Variants in TRHDE observed in about 807,000 individuals in gnomAD.
TRHDE encodes thyrotropin releasing hormone degrading enzyme.
TRHDE carries 72 observed loss-of-function variants against 125.7 expected under a neutral mutation model. That is an observed-to-expected ratio of 0.57 (90% CI 0.47 to 0.70). The LOEUF (loss-of-function observed/expected upper bound fraction) is 0.70. Among genes scored for constraint, TRHDE ranks in the 30% least tolerant of loss-of-function variants. The pLI is 0.00. For missense variants in TRHDE, 1,110 were observed against 1,327.1 expected (o/e 0.84, Z 2.54); for synonymous variants, 509 against 509.1 (o/e 1.00, Z 0.00).
intron 6 of TRHDE, among the ~76,000 whole-genome samples, chr12:72,500,649 C>T (rs1401521254): frequency 6.6e-6 from 1 of 152,060 alleles, no homozygotes; most frequent in African/African-American, 2.4e-5. Flanking sequence ...GCCTCTGCCT[C>T]CCAAAGTGCT....
chr12:72,523,189 C>CT (rs1197228322), intron 6 of TRHDE, among the ~76,000 whole-genome samples: 9 of 150,874 alleles, frequency 6.0e-5, no homozygotes, highest in Admixed American at 2.0e-4. Context: ...GAGTAACTTG[C>CT]TTTTTTTTTC....
At position 72,341,797 on chromosome 12, in the gene TRHDE, G is replaced by A. The variant is rs190372868; in HGVS notation, c.1189-36198G>A. The stretch of plus-strand genomic sequence containing the variant: ...AACAGAAATTAAAACATGTATCTGC[G>A]GACAAATGTATTTGTCGAAGATGAA... On this transcript the variant is annotated intron_variant, in intron 2 of 18. Coordinates refer to ENST00000261180, the MANE Select transcript of TRHDE (RefSeq NM_013381.3). 4.9e-3 allele frequency among the ~76,000 whole-genome samples: 741 copies of A among 152,106 alleles called. 1 individual carries two copies. The highest frequency in any genetic ancestry group is 8.7e-3 in the African/African-American group (363 of 41,508).
At chr12:72,543,075 G>A (rs988924248) in intron 7 of TRHDE, among the ~76,000 whole-genome samples, 4 of 151,284 alleles carry the variant, frequency 2.6e-5, no homozygotes, top group Non-Finnish European at 5.9e-5. Context: ...ACTTAGAAGT[G>A]TCCTTTAAAG....
At chr12:72,145,690 C>T (rs1876210636) in intron 2 of TRHDE, among the ~76,000 whole-genome samples, 2 of 152,182 alleles carry the variant, frequency 1.3e-5, no homozygotes, top group African/African-American at 4.8e-5. Context: ...CGAATCCTTT[C>T]TGTATGACCC....
chr12:72,438,279 T>C (rs192628692), intron 3 of TRHDE, among the ~76,000 whole-genome samples: 2 of 151,952 alleles, frequency 1.3e-5, no homozygotes, highest in East Asian at 3.9e-4. Flanking sequence ...GTCATTTTCT[T>C]TGTATATTTA....
At chr12:72,445,077 T>A (rs1465606948) in intron 3 of TRHDE, among the ~76,000 whole-genome samples, 1 of 151,788 alleles carries the variant, frequency 6.6e-6, no homozygotes, top group Non-Finnish European at 1.5e-5. Flanking sequence ...TCTTAACAAG[T>A]GATTATTTGA....
At chr12:72,314,724 C>G (rs2135703433) in intron 2 of TRHDE, among the ~76,000 whole-genome samples, 1 of 152,050 alleles carries the variant, frequency 6.6e-6, no homozygotes, top group East Asian at 1.9e-4. Context: ...AAAAAAAAAT[C>G]AGAGTTTTAA....
At chr12:72,137,519 A>G (rs958245347) in intron 2 of TRHDE, 4 of 152,226 alleles carry the variant, frequency 2.6e-5, no homozygotes, top group African/African-American at 9.6e-5. Context: ...TTCCAACCTC[A>G]TAATGATTGC....
At chr12:72,108,402 G>C (rs531090663) in intron 2 of TRHDE, among the ~76,000 whole-genome samples, 2 of 152,168 alleles carry the variant, frequency 1.3e-5, no homozygotes, top group East Asian at 3.9e-4. Flanking sequence ...TGACAGAATA[G>C]TTATAATATA....
rs3081972 is a variant in TRHDE, at chr12:72,525,601, T to TTGTGTGTGTG, written c.1723-16665_1723-16656dup. ...AGACTTCTCATGTTTTGTGTGTGGT[T>TTGTGTGTGTG]TGTGTGTGTGTGTGTGTGTGTGTGT... On this transcript the variant is annotated intron_variant, in intron 6 of 18. Transcript: ENST00000261180. 4.4e-3 allele frequency among the ~76,000 whole-genome samples: 566 copies of TTGTGTGTGTG among 127,614 alleles called. 3 individuals carry two copies. The highest frequency in any genetic ancestry group is 0.016 in the African/African-American group (507 of 30,908). 83.7% of individuals were successfully genotyped at this position (127,614 alleles called of 152,430 possible). A position where few individuals can be genotyped will look rare whatever the true frequency, so the allele number is the denominator to read the frequency against.
chr12:72,480,038 A>G lies in TRHDE; in HGVS notation c.1584+6858A>G, dbSNP rs1459513325. Among the ~76,000 whole-genome samples the G allele has an allele frequency of 2.0e-5, 3 of 149,962 alleles. No homozygotes were observed. In the East Asian group the frequency reaches 5.9e-4, roughly 29 times the overall value. Reference sequence around the variant, plus strand: ...TAGTATTCCATGGTGTATATGTGCCACATTTTCTTAATCCAGTCTATCATT... The same window carrying G: ...TAGTATTCCATGGTGTATATGTGCCGCATTTTCTTAATCCAGTCTATCATT... On this transcript the variant is annotated intron_variant, in intron 5 of 18. Coordinates refer to ENST00000261180, the MANE Select transcript of TRHDE (RefSeq NM_013381.3).
chr12:72,362,474 G>C (rs1362822553), intron 2 of TRHDE, among the ~76,000 whole-genome samples: 1 of 152,066 alleles, frequency 6.6e-6, no homozygotes, highest in South Asian at 2.1e-4. Context: ...CCCTTTGTCA[G>C]ATGAGTAGGT....
intron 12 of TRHDE, among the ~76,000 whole-genome samples, chr12:72,612,327 A>G (rs1872661128): frequency 6.6e-6 from 1 of 152,128 alleles, no homozygotes; most frequent in African/African-American, 2.4e-5. Context: ...CCTTCATAGC[A>G]TCTGGGATCA....
chr12:72,124,661 T>A (rs1875671027), intron 2 of TRHDE, among the ~76,000 whole-genome samples: 1 of 152,220 alleles, frequency 6.6e-6, no homozygotes, highest in Non-Finnish European at 1.5e-5. Context: ...ATACTTTGCT[T>A]ATTCAGAGCT....
At chr12:72,511,374 T>G (rs1016107030) in intron 6 of TRHDE, among the ~76,000 whole-genome samples, 6 of 152,144 alleles carry the variant, frequency 3.9e-5, no homozygotes, top group African/African-American at 1.4e-4. Flanking sequence ...GCTTCTTAGG[T>G]AAACAGAAAA....
chr12:72,493,139 A>C (rs946978855), intron 5 of TRHDE, among the ~76,000 whole-genome samples: 47 of 151,972 alleles, frequency 3.1e-4, no homozygotes, highest in African/African-American at 1.1e-3. Context: ...TTTTAGTCAG[A>C]CATTCTATTT....
intron 1 of TRHDE, chr12:72,274,833 A>G (rs75889796): frequency 6.6e-6 from 1 of 152,394 alleles, no homozygotes; most frequent in Non-Finnish European, 1.5e-5. Context: ...TGTGCCTGGC[A>G]TATAGAGTAT....
intron 2 of TRHDE, among the ~76,000 whole-genome samples, chr12:72,231,673 A>G (rs1878249844): frequency 6.6e-6 from 1 of 152,150 alleles, no homozygotes; most frequent in Non-Finnish European, 1.5e-5. Flanking sequence ...GATCTTCTGG[A>G]AAGACTATGC....
rs932402421 is a variant in TRHDE, at chr12:72,291,140, T to C, written c.1188+4186T>C. Among the ~76,000 whole-genome samples the C allele has an allele frequency of 1.2e-4, 18 of 152,222 alleles. 1 individual carries two copies. The highest frequency in any genetic ancestry group is 2.4e-5 in the African/African-American group (1 of 41,468). ...TCCAGGCCTCACCATCTAATTTAGG[T>C]TCAGGCATAGAAGAGATCACTTGGT... On this transcript the variant is annotated intron_variant, in intron 2 of 18. Transcript: ENST00000261180.
Sources: gnomAD v4.1 joint callset for allele counts (sites outside exome capture counted in the v4.1 genomes callset) on GRCh38, gnomAD v4.1.1 for gene constraint, MANE v1.5 for transcripts, NCBI Gene and HGNC (gene_info 2026-07-23, HGNC 2026-07-21) for gene names.